ADGRB3: variants seen among roughly 807,000 people sequenced by gnomAD.
ADGRB3 encodes the protein adhesion G protein-coupled receptor B3, also known as brain-specific angiogenesis inhibitor 3.
Under a neutral mutation model 193.4 loss-of-function variants are expected in ADGRB3, and 37 were observed. The observed-to-expected ratio is 0.19, with a 90% CI of 0.15 to 0.25. ADGRB3 has a LOEUF of 0.25. ADGRB3 is among the 10% of genes least tolerant of loss of function. The pLI is 1.00. For synonymous variants in ADGRB3, 690 were observed against 644.2 expected (o/e 1.07, Z -1.08); for missense variants, 1,637 against 1,852.9 (o/e 0.88, Z 2.14).
intron 3 of ADGRB3, among the ~76,000 whole-genome samples, chr6:68,761,667 C>T (rs1700564586): frequency 6.6e-6 from 1 of 151,372 alleles, no homozygotes; most frequent in Admixed American, 6.6e-5. Flanking sequence ...TTTTCTCATG[C>T]CCCGTTTCTT....
intron 20 of ADGRB3, among the ~76,000 whole-genome samples, chr6:69,286,541 T>C (rs916834797): frequency 4.6e-5 from 7 of 152,196 alleles, no homozygotes; most frequent in Admixed American, 6.6e-5. Flanking sequence ...TGGCAGGTGA[T>C]GCTAGAATGA....
intron 3 of ADGRB3, among the ~76,000 whole-genome samples, chr6:68,874,371 T>A (rs1765535374): frequency 6.6e-6 from 1 of 152,146 alleles, no homozygotes; most frequent in South Asian, 2.1e-4. Context: ...ACATTCTTCA[T>A]AACTATGAAT....
chr6:69,082,876 C>T (rs538382470), intron 17 of ADGRB3, among the ~76,000 whole-genome samples: 2 of 152,154 alleles, frequency 1.3e-5, no homozygotes, highest in South Asian at 2.1e-4. Flanking sequence ...TTCTTTGAGG[C>T]CAAGGATAAA....
chr6:69,128,509 A>G (rs1773915637), intron 17 of ADGRB3, among the ~76,000 whole-genome samples: 1 of 152,242 alleles, frequency 6.6e-6, no homozygotes, highest in South Asian at 2.1e-4. Flanking sequence ...TAGCCTTTCT[A>G]CTGAGGTCTT....
At chr6:68,753,911 A>C (rs1483072635) in intron 3 of ADGRB3, among the ~76,000 whole-genome samples, 1 of 152,170 alleles carries the variant, frequency 6.6e-6, no homozygotes, top group Non-Finnish European at 1.5e-5. Flanking sequence ...AGTCATTTTA[A>C]AATGGACTTT....
At chr6:69,157,122 A>G (rs532957341) in intron 17 of ADGRB3, among the ~76,000 whole-genome samples, 6 of 152,184 alleles carry the variant, frequency 3.9e-5, no homozygotes, top group Non-Finnish European at 7.4e-5. Flanking sequence ...CTTAACCTCA[A>G]TGGCCCTCAG....
intron 20 of ADGRB3, among the ~76,000 whole-genome samples, chr6:69,306,952 C>A (rs1768078933): frequency 6.6e-6 from 1 of 151,298 alleles, no homozygotes; most frequent in African/African-American, 2.4e-5. Flanking sequence ...TTATTATAGC[C>A]CCTAACACAT....
intron 3 of ADGRB3, among the ~76,000 whole-genome samples, chr6:68,781,582 G>A (rs1766853022): frequency 6.6e-6 from 1 of 151,978 alleles, no homozygotes; most frequent in African/African-American, 2.4e-5. Context: ...ATTCAGCTGG[G>A]AAGATATATT....
chr6:68,973,630 A>G (rs1023884307), intron 8 of ADGRB3, among the ~76,000 whole-genome samples: 10 of 152,208 alleles, frequency 6.6e-5, no homozygotes, highest in Non-Finnish European at 1.3e-4. Flanking sequence ...TATTTATAAA[A>G]CATATATTCA....
chr6:68,893,365 T>C (rs1240677487), intron 3 of ADGRB3, among the ~76,000 whole-genome samples: 9 of 152,006 alleles, frequency 5.9e-5, no homozygotes, highest in African/African-American at 2.2e-4. Flanking sequence ...TGGTGCAATA[T>C]TTTTAGGTTT....
intron 3 of ADGRB3, among the ~76,000 whole-genome samples, chr6:68,916,172 A>T (rs1333702097): frequency 6.6e-6 from 1 of 152,174 alleles, no homozygotes; most frequent in South Asian, 2.1e-4. Context: ...AGAATGAATA[A>T]GTAAAAATAG....
chr6:68,918,236 A>C (rs960594987), intron 3 of ADGRB3, among the ~76,000 whole-genome samples: 2 of 152,090 alleles, frequency 1.3e-5, no homozygotes, highest in Non-Finnish European at 2.9e-5. Flanking sequence ...ATGTTGGGGG[A>C]AGAAAAACCT....
chr6:69,135,730 T>C (rs950717036), intron 17 of ADGRB3, among the ~76,000 whole-genome samples: 3 of 152,080 alleles, frequency 2.0e-5, no homozygotes, highest in East Asian at 1.9e-4. Flanking sequence ...TTTTGACTTA[T>C]GGTTATCAAA....
At chr6:68,738,547 T>A (rs1765917466) in intron 3 of ADGRB3, among the ~76,000 whole-genome samples, 2 of 152,148 alleles carry the variant, frequency 1.3e-5, no homozygotes, top group Admixed American at 1.3e-4. Flanking sequence ...AGGGAGAAGG[T>A]CGTGAAGATA....
chr6:69,040,307 C>CTCTTTCTTTCTTTCTTCTTTCTTTCTT (rs1554251202), intron 13 of ADGRB3, among the ~76,000 whole-genome samples: 8 of 94,758 alleles, frequency 8.4e-5, no homozygotes, highest in African/African-American at 3.6e-4. Context: ...CTTTCTCTGT[C>CTCTTTCTTTCTTTCTTCTTTCTTTCTT]TCTTTCTTTC....
At chr6:69,324,171 C>T (rs1052591472) in intron 20 of ADGRB3, among the ~76,000 whole-genome samples, 20 of 152,162 alleles carry the variant, frequency 1.3e-4, no homozygotes, top group African/African-American at 2.9e-4. Flanking sequence ...GATTAAGTTA[C>T]GTGAAGAAAA....
At chr6:68,784,565 T>C (rs1766922815) in intron 3 of ADGRB3, among the ~76,000 whole-genome samples, 1 of 152,138 alleles carries the variant, frequency 6.6e-6, no homozygotes, top group South Asian at 2.1e-4. Context: ...CACTAGCAAT[T>C]GTCTACATCT....
intron 17 of ADGRB3, among the ~76,000 whole-genome samples, chr6:69,105,639 C>T (rs952787432): frequency 6.6e-6 from 1 of 152,094 alleles, no homozygotes; most frequent in Non-Finnish European, 1.5e-5. Context: ...TTGCTTCAGG[C>T]TTTTATAAAA....
intron 3 of ADGRB3, among the ~76,000 whole-genome samples, chr6:68,882,234 A>G (rs888157148): frequency 6.6e-6 from 1 of 152,196 alleles, no homozygotes; most frequent in African/African-American, 2.4e-5. Flanking sequence ...ACAAGGAAAA[A>G]TATATTTAGA....
Sources: allele counts gnomAD v4.1 joint callset (sites outside exome capture counted in the v4.1 genomes callset), GRCh38; gene constraint gnomAD v4.1.1; transcripts MANE v1.5; gene names NCBI Gene and HGNC (gene_info 2026-07-23, HGNC 2026-07-21).